Variants in DCBLD2 observed in about 807,000 individuals in gnomAD.
DCBLD2 encodes the protein discoidin, CUB and LCCL domain-containing protein 2.
A neutral mutation model predicts 86.8 loss-of-function variants in DCBLD2; 54 were observed. That is an observed-to-expected ratio of 0.62 (90% CI 0.50 to 0.78). The LOEUF is 0.78. Among genes scored for constraint, DCBLD2 ranks in the 30% least tolerant of loss-of-function variants. DCBLD2 has a pLI of 0.00. For missense variants in DCBLD2, 908 were observed against 954.2 expected (o/e 0.95, Z 0.64); for synonymous variants, 354 against 341.3 (o/e 1.04, Z -0.41).
At chr3:98,869,086 T>C (rs962718932) in intron 2 of DCBLD2, among the ~76,000 whole-genome samples, 40 of 152,276 alleles carry the variant, frequency 2.6e-4, no homozygotes, top group African/African-American at 9.1e-4. Context: ...TCACCAACAG[T>C]GTATAAGTGT....
At chr3:98,818,096 G>T (rs544312794) in intron 8 of DCBLD2, among the ~76,000 whole-genome samples, 1 of 152,228 alleles carries the variant, frequency 6.6e-6, no homozygotes, top group African/African-American at 2.4e-5. Flanking sequence ...ATTATGGGTG[G>T]GCATTAATTA....
chr3:98,894,009 A>C (rs1943708092), intron 1 of DCBLD2, among the ~76,000 whole-genome samples: 1 of 152,236 alleles, frequency 6.6e-6, no homozygotes, highest in Non-Finnish European at 1.5e-5. Context: ...GCTATCCAGA[A>C]CCAGAGAAAG....
At chr3:98,871,024 G>GT (rs55792662) in intron 2 of DCBLD2, among the ~76,000 whole-genome samples, 63,038 of 145,870 alleles carry the variant, frequency 0.43, 13,532 homozygotes, top group Non-Finnish European at 0.46. Flanking sequence ...TATTCCTAGG[G>GT]TTTTTTTTTT....
intron 1 of DCBLD2, among the ~76,000 whole-genome samples, chr3:98,885,894 T>G (rs1277674574): frequency 6.6e-6 from 1 of 151,472 alleles, no homozygotes; most frequent in Non-Finnish European, 1.5e-5. Context: ...AGGGGTGTTA[T>G]TGGCATCTAG....
chr3:98,810,485 T>C (rs921039831), intron 12 of DCBLD2, among the ~76,000 whole-genome samples: 3 of 152,236 alleles, frequency 2.0e-5, no homozygotes, highest in African/African-American at 7.2e-5. Context: ...CTCTGCACTT[T>C]CCTGAAAACA....
chr3:98,889,186 G>T (rs1027032315), intron 1 of DCBLD2, among the ~76,000 whole-genome samples: 1 of 151,906 alleles, frequency 6.6e-6, no homozygotes, highest in African/African-American at 2.4e-5. Context: ...ATTTCTCTTT[G>T]TCAAAGAGTT....
chr3:98,888,432 T>C (rs776664391), intron 1 of DCBLD2, among the ~76,000 whole-genome samples: 1 of 152,024 alleles, frequency 6.6e-6, no homozygotes, highest in Non-Finnish European at 1.5e-5. Flanking sequence ...TTAAATGTCC[T>C]ATCTACCACT....
intron 3 of DCBLD2, among the ~76,000 whole-genome samples, chr3:98,841,629 T>A (rs1402231740): frequency 2.6e-5 from 4 of 152,200 alleles, no homozygotes; most frequent in Non-Finnish European, 4.4e-5. Flanking sequence ...TTCAATACTG[T>A]TTTGTGTTCT....
chr3:98,801,411 T>C, intron 14 of DCBLD2, 189 bp downstream of exon 14: 1 of 457,946 alleles, frequency 2.2e-6, no homozygotes, highest in Non-Finnish European at 3.9e-6. Context: ...ACTTTTCATT[T>C]CATTACTTAG....
chr3:98,813,318 G>A (rs998042300), intron 9 of DCBLD2: 2 of 152,204 alleles, frequency 1.3e-5, no homozygotes, highest in Non-Finnish European at 2.9e-5. Context: ...GTGCAGTGGC[G>A]CAATCTTGGC....
Position 98,799,258 on chromosome 3 carries a change from C to T in DCBLD2, c.*114G>A. 1.7e-6 allele frequency: 2 copies of T among 1,189,230 alleles called. No homozygotes were observed. Among genetic ancestry groups the T allele is most frequent in the Non-Finnish European group, 2.3e-6 (2 of 859,234 alleles). The allele number at this position is 1,189,230 out of a possible 1,614,324, so 73.7% of individuals were successfully genotyped here. ...CCTGTACCTCAGTCACCACATTTTC[C>T]CCAACCACTTCAGTGACAGTTATGT... is the stretch of plus-strand genomic sequence containing the variant. On this transcript the variant is annotated 3_prime_UTR_variant, in exon 16 of 16. Transcript: ENST00000326840.
At chr3:98,870,759 A>AAAGAAAG (rs1559794507) in intron 2 of DCBLD2, among the ~76,000 whole-genome samples, 1 of 137,840 alleles carries the variant, frequency 7.3e-6, no homozygotes, top group Non-Finnish European at 1.6e-5. Flanking sequence ...GAAAGAAAGA[A>AAAGAAAG]AGAAAGAAAG....
chr3:98,856,339 A>G (rs1382831757), intron 2 of DCBLD2, among the ~76,000 whole-genome samples: 2 of 152,050 alleles, frequency 1.3e-5, no homozygotes, highest in Non-Finnish European at 2.9e-5. Context: ...CAACAAATAT[A>G]TATGCAATCT....
At chr3:98,872,918 T>C (rs1432085762) in intron 2 of DCBLD2, among the ~76,000 whole-genome samples, 1 of 152,124 alleles carries the variant, frequency 6.6e-6, no homozygotes, top group Admixed American at 6.6e-5. Context: ...ATTAAAAATA[T>C]TTGCAATTTG....
At chr3:98,871,590 C>T (rs924342435) in intron 2 of DCBLD2, among the ~76,000 whole-genome samples, 1 of 151,914 alleles carries the variant, frequency 6.6e-6, no homozygotes. Context: ...TGTTGATTTG[C>T]ATATGTCAAA....
chr3:98,817,725 C>T (rs760448572), intron 9 of DCBLD2, 44 bp downstream of exon 9: 1 of 1,597,452 alleles, frequency 6.3e-7, no homozygotes, highest in South Asian at 1.1e-5. Flanking sequence ...GGCAACCACC[C>T]ATTTAAAAAA....
Position 98,901,537 on chromosome 3 carries a change from G to C in DCBLD2, c.-211C>G. 2.5e-6 allele frequency: 1 copy of C among 402,064 alleles called. No homozygotes were observed. 24.9% of individuals were successfully genotyped at this position (402,064 alleles called of 1,614,324 possible). ...CTCCGCTCCCCGCGCCGAGACCCCA[G>C]GCCGGAGCGCAGGGGAGGGGAGGGA... On this transcript the variant is annotated 5_prime_UTR_variant, in exon 1 of 16. Coordinates refer to ENST00000326840, the MANE Select transcript of DCBLD2 (RefSeq NM_080927.4).
intron 2 of DCBLD2, among the ~76,000 whole-genome samples, chr3:98,860,369 G>C (rs951876285): frequency 1.3e-5 from 2 of 152,156 alleles, no homozygotes; most frequent in East Asian, 3.8e-4. Flanking sequence ...AGGAAATACA[G>C]AGAATGCCAC....
rs987072710 is a variant in DCBLD2 at position 98,798,533 on chromosome 3, A to G, written c.*839T>C. 1.3e-5 allele frequency: 2 copies of G among 152,176 alleles called. No homozygotes were observed. The highest frequency in any genetic ancestry group is 4.8e-5 in the African/African-American group (2 of 41,438). The allele number at this position is 152,176 out of a possible 1,614,324, so 9.4% of individuals were successfully genotyped here. On this transcript the variant is annotated 3_prime_UTR_variant, in exon 16 of 16. Coordinates refer to ENST00000326840, the MANE Select transcript of DCBLD2 (RefSeq NM_080927.4). ...CATTGCAAATAAAGTTGGGGGTGGG[A>G]GAAGAATCTCCTTTAAAGCTTTCAA...
Sources: gnomAD v4.1 joint callset for allele counts (sites outside exome capture counted in the v4.1 genomes callset) on GRCh38, gnomAD v4.1.1 for gene constraint, MANE v1.5 for transcripts, NCBI Gene and HGNC (gene_info 2026-07-23, HGNC 2026-07-21) for gene names.